USP33: variants seen among roughly 807,000 people sequenced by gnomAD.
USP33 encodes the protein ubiquitin carboxyl-terminal hydrolase 33.
In USP33, 46 loss-of-function variants were observed where a neutral mutation model predicts 124.2. The ratio of observed to expected loss-of-function variants is 0.37; its 90% CI spans 0.29 to 0.47. The LOEUF (loss-of-function observed/expected upper bound fraction) is 0.47, where lower values mean the gene tolerates loss of function less well. USP33 is among the 20% of genes least tolerant of loss of function. The pLI, the probability that USP33 is intolerant of heterozygous loss-of-function variation, is 0.99. For synonymous variants in USP33, 350 were observed against 352.3 expected (o/e 0.99, Z 0.07); for missense variants, 851 against 1,070.6 (o/e 0.79, Z 2.86).
At chr1:77,698,322 C>G (rs891350227) in intron 22 of USP33, among the ~76,000 whole-genome samples, 2 of 151,452 alleles carry the variant, frequency 1.3e-5, no homozygotes, top group Admixed American at 1.3e-4. Context: ...ATCTACCCAC[C>G]TCAGCCTCCC....
chr1:77,723,320 C>A lies in USP33; in HGVS notation c.1389+11G>T. On this transcript the variant is annotated intron_variant, in intron 12 of 23. Coordinates refer to ENST00000370794, the MANE Select transcript of USP33 (RefSeq NM_201624.3). ...CGAATTTTCTGTGTATTCTAATACC[C>A]TCATACTCACCCTGTCACAAGTCAG... The A allele has an allele frequency of 6.4e-7, 1 of 1,569,644 alleles. No homozygotes were observed. Among genetic ancestry groups the A allele is most frequent in the South Asian group, 1.1e-5 (1 of 89,072 alleles).
chr1:77,743,117 G>A (rs763885857), intron 1 of USP33, among the ~76,000 whole-genome samples: 12 of 151,560 alleles, frequency 7.9e-5, no homozygotes, highest in East Asian at 1.9e-4. Context: ...CACTTTTTTT[G>A]TATTTTTAGT....
chr1:77,728,157 A>G (rs901338107), intron 10 of USP33, 138 bp downstream of exon 10: 1 of 919,700 alleles, frequency 1.1e-6, no homozygotes, highest in African/African-American at 1.7e-5. Context: ...GGGTTCTATA[A>G]TTTTATGACT....
chr1:77,701,737 T>A, intron 21 of USP33: 3 of 253,940 alleles, frequency 1.2e-5, no homozygotes, highest in Non-Finnish European at 1.5e-5. Context: ...TGGCACGATC[T>A]GGGCTCACTG....
chr1:77,750,672 GA>G (rs1184612548), intron 1 of USP33, among the ~76,000 whole-genome samples: 9 of 147,698 alleles, frequency 6.1e-5, no homozygotes, highest in Admixed American at 2.0e-4. Context: ...AAGAAAGAAA[GA>G]AAGAAAGAAA....
chr1:77,712,983 G>T (rs1216437541), intron 20 of USP33, among the ~76,000 whole-genome samples: 1 of 152,196 alleles, frequency 6.6e-6, no homozygotes, highest in East Asian at 1.9e-4. Context: ...AATTACCACA[G>T]CATACCTTCA....
At chr1:77,719,670 T>C (rs961485096) in intron 15 of USP33, among the ~76,000 whole-genome samples, 2 of 151,792 alleles carry the variant, frequency 1.3e-5, no homozygotes, top group Non-Finnish European at 2.9e-5. Context: ...CTGACCAATA[T>C]GGCAAAACCC....
At position 77,736,798 on chromosome 1, in the gene USP33, A is replaced by C. The variant is rs563684189; in HGVS notation, c.352-640T>G. ...CTAATTTTTGTATTTTTAGTAGAGA[A>C]GGGGTTTCACCATGTTGGCCTGAAT... On this transcript the variant is annotated intron_variant, in intron 5 of 23. Coordinates refer to ENST00000370794, the MANE Select transcript of USP33 (RefSeq NM_201624.3). 3.9e-5 allele frequency among the ~76,000 whole-genome samples: 6 copies of C among 152,096 alleles called. No individual in the cohort carries two copies. The East Asian group carries it at 1.2e-3, about 29-fold the overall frequency.
intron 21 of USP33, among the ~76,000 whole-genome samples, chr1:77,702,724 G>T (rs1674182096): frequency 6.6e-6 from 1 of 151,994 alleles, no homozygotes; most frequent in Non-Finnish European, 1.5e-5. Context: ...AACTTTTGGA[G>T]GTCTGGTTTT....
intron 15 of USP33, chr1:77,720,213 G>T: frequency 3.1e-6 from 1 of 322,022 alleles, no homozygotes. Flanking sequence ...CTTACATGTG[G>T]AAAAAAAGAT....
At chr1:77,723,609 G>T (rs570506580) in intron 11 of USP33, among the ~76,000 whole-genome samples, 166 bp from the exon 12 acceptor site, 1 of 152,060 alleles carries the variant, frequency 6.6e-6, no homozygotes, top group South Asian at 2.1e-4. Context: ...AAGAGCATAA[G>T]TATTAAAAAA....
chr1:77,720,931 A>C (rs1486373679), intron 15 of USP33, among the ~76,000 whole-genome samples: 2 of 152,228 alleles, frequency 1.3e-5, no homozygotes, highest in African/African-American at 4.8e-5. Flanking sequence ...TTTTATGCAA[A>C]ATCACATACA....
intron 17 of USP33, among the ~76,000 whole-genome samples, chr1:77,716,379 CTGACCCAA>C (rs1456852349): frequency 6.6e-6 from 1 of 152,162 alleles, no homozygotes; most frequent in Non-Finnish European, 1.5e-5. Context: ...CCCACAGACC[CTGACCCAA>C]TGACGGATGA....
At chr1:77,721,430 T>C (rs1195965945) in intron 14 of USP33, 2 of 580,226 alleles carry the variant, frequency 3.4e-6, no homozygotes, top group Non-Finnish European at 6.0e-6. Flanking sequence ...CATTTATTCA[T>C]TGAACAAAAC....
chr1:77,709,882 T>TATAC (rs1553190682), intron 21 of USP33, among the ~76,000 whole-genome samples: 1 of 144,794 alleles, frequency 6.9e-6, no homozygotes, highest in South Asian at 2.2e-4. Flanking sequence ...TGCATACACA[T>TATAC]ACACACACAC....
rs566236810 is a variant in USP33 at position 77,707,644 on chromosome 1, A to C, written c.2406+4103T>G. 2.6e-5 allele frequency among the ~76,000 whole-genome samples: 4 copies of C among 152,302 alleles called. No homozygotes were observed. The South Asian group carries it at 6.2e-4, about 24-fold the overall frequency. ...AGAGAAATTTAATACAGACAAGACT[A>C]CTAAGGGTTCAAACCCTTCAGAAAT... On this transcript the variant is annotated intron_variant, in intron 21 of 23. Coordinates refer to ENST00000370794, the MANE Select transcript of USP33 (RefSeq NM_201624.3).
chr1:77,737,208 T>C (rs1249820559), intron 5 of USP33, among the ~76,000 whole-genome samples: 1 of 152,172 alleles, frequency 6.6e-6, no homozygotes, highest in Non-Finnish European at 1.5e-5. Flanking sequence ...AGAAAGAATT[T>C]AGCATGTACT....
intron 10 of USP33, among the ~76,000 whole-genome samples, chr1:77,727,230 T>A (rs146924479): frequency 1.3e-5 from 2 of 152,280 alleles, no homozygotes; most frequent in African/African-American, 4.8e-5. Context: ...TTCGCCAGAT[T>A]TTTTTCATCA....
chr1:77,722,795 TAAGAA>T (rs1557837083), intron 12 of USP33, among the ~76,000 whole-genome samples: 2 of 152,316 alleles, frequency 1.3e-5, no homozygotes, highest in African/African-American at 4.8e-5. Context: ...AAACTGTACT[TAAGAA>T]AAGCTCAAAG....
Sources: allele counts gnomAD v4.1 joint callset (sites outside exome capture counted in the v4.1 genomes callset), GRCh38; gene constraint gnomAD v4.1.1; transcripts MANE v1.5; gene names NCBI Gene and HGNC (gene_info 2026-07-23, HGNC 2026-07-21).